Variants in IQCN observed in about 807,000 individuals in gnomAD.
IQCN encodes IQ domain-containing protein N.
In IQCN, 46 loss-of-function variants were observed where a neutral mutation model predicts 64.4. That is an observed-to-expected ratio of 0.71 (90% CI 0.56 to 0.91). IQCN has a LOEUF of 0.91. Among genes scored for constraint, IQCN ranks in the 40% least tolerant of loss-of-function variants. The probability of loss-of-function intolerance (pLI) is 0.00; values close to 1 mark genes in which losing one functional copy is unlikely to be tolerated. For missense variants in IQCN, 1,753 were observed against 1,857.4 expected (o/e 0.94, Z 1.03); for synonymous variants, 733 against 775.6 (o/e 0.95, Z 0.91).
chr19:18,257,397 T>A lies in IQCN; in HGVS notation c.3887A>T (p.Gln1296Leu), dbSNP rs746271106. ...AYQLAALSPRQPHRQDKAATA... is the reference protein window; with the variant it reads ...AYQLAALSPRLPHRQDKAATA... The stretch of plus-strand genomic sequence containing the variant: ...GGCCGCTTTGTCCTGGCGATGCGGC[T>A]GCCTGGGACTCAGGGCAGCCAGCTG... Residue 1296 changes from glutamine to leucine, a missense_variant, in exon 4 of 4, where the codon CAG becomes CTG. Coordinates refer to ENST00000392413, the MANE Select transcript of IQCN (RefSeq NM_001145304.2). 12 of 1,610,836 alleles carry A rather than the reference T, an allele frequency of 7.4e-6. No individual in the cohort carries two copies. Among genetic ancestry groups the A allele is most frequent in the Non-Finnish European group, 1.0e-5 (12 of 1,179,598 alleles).
Position 18,265,631 on chromosome 19 carries a change from C to A in IQCN, c.1909G>T (p.Val637Phe), listed in dbSNP as rs1450968192. 1 of 1,614,096 alleles carries A rather than the reference C, an allele frequency of 6.2e-7. No homozygotes were observed. Among genetic ancestry groups the A allele is most frequent in the African/African-American group, 1.3e-5 (1 of 75,040 alleles). ...EMAGAPSWTK[V>F]AEEGDKPPHV... Reference sequence around the variant, plus strand: ...GGTGGCTTGTCCCCTTCCTCAGCAACTTTTGTCCAGGATGGAGCCCCAGCC... The same window carrying A: ...GGTGGCTTGTCCCCTTCCTCAGCAAATTTTGTCCAGGATGGAGCCCCAGCC... The change falls in exon 3 of 4, where the codon GTT becomes TTT. Residue 637 changes from valine (V) to phenylalanine (F), a missense_variant. By Grantham distance (50) the Val-to-Phe change is conservative (BLOSUM62 -1). Transcript: ENST00000392413. The surrounding 1 kb of genome is among the most constrained non-coding windows in gnomAD (Gnocchi z 4.7).
At chr19:18,258,276 G>C in intron 3 of IQCN, 170 bp from the exon 4 acceptor site, 1 of 757,848 alleles carries the variant, frequency 1.3e-6, no homozygotes, top group Non-Finnish European at 2.3e-6. Context: ...GGCCAGCGGA[G>C]GAATGACCGA....
intron 2 of IQCN, chr19:18,268,053 C>T (rs996094637): frequency 6.6e-6 from 1 of 152,510 alleles, no homozygotes; most frequent in African/African-American, 2.4e-5. Flanking sequence ...CTGACTCAGC[C>T]TCCCAAAGTG....
At position 18,265,823 on chromosome 19, in the gene IQCN, AG is replaced by A. The variant is rs1382695897; in HGVS notation, c.1716del (p.Ser573ProfsTer79). 9.9e-6 allele frequency: 16 copies of A among 1,613,714 alleles called. No homozygotes were observed. Among genetic ancestry groups the A allele is most frequent in the Non-Finnish European group, 1.4e-5 (16 of 1,179,944 alleles). ...QAAKVVKASS[P>X]SYLAEGKIRC... ...CTGATCTTCCCCTCAGCCAAATAGG[AG>A]GGGGATGAGGCTTTCACCACCTTTG... On this transcript the variant is annotated frameshift_variant, in exon 3 of 4. Coordinates refer to ENST00000392413, the MANE Select transcript of IQCN (RefSeq NM_001145304.2). LOFTEE classifies it high-confidence loss of function. The surrounding 1 kb of genome is among the most constrained non-coding windows in gnomAD (Gnocchi z 4.7).
chr19:18,265,113 G>A lies in IQCN; in HGVS notation c.2427C>T (p.His809=), dbSNP rs202117212. The A allele has an allele frequency of 3.4e-5, 54 of 1,604,100 alleles. No homozygotes were observed. The Middle Eastern group carries it at 4.9e-4, about 15-fold the overall frequency. Residue 809 remains histidine, a synonymous_variant, in exon 3 of 4, where the codon CAC becomes CAT. Coordinates refer to ENST00000392413, the MANE Select transcript of IQCN (RefSeq NM_001145304.2). The surrounding 1 kb of genome is among the most constrained non-coding windows in gnomAD (Gnocchi z 4.7). ...PEDRQTQPQP[H]GHVPGKTTQG... is the part of the protein sequence containing the mutation. ...GAGTGGTCTTCCCCGGCACGTGTCC[G>A]TGGGGCTGTGGCTGGGTCTGTCTGT...
rs746966070 is a variant in IQCN at position 18,266,913 on chromosome 19, G to T, written c.627C>A (p.Pro209=). Residue 209 remains proline, a synonymous_variant, in exon 3 of 4, where the codon CCC becomes CCA. Coordinates refer to ENST00000392413, the MANE Select transcript of IQCN (RefSeq NM_001145304.2). The surrounding 1 kb of genome is among the most constrained non-coding windows in gnomAD (Gnocchi z 4.3). Reference sequence around the variant, plus strand: ...CCTGAGCTGCTGGGGGCTGCAGGAGGGGGGACGACTGGGGTCTGCAGAGGA... The same window carrying T: ...CCTGAGCTGCTGGGGGCTGCAGGAGTGGGGACGACTGGGGTCTGCAGAGGA... The part of the protein sequence containing the change: ...NLVLCRPQSS[P]LLQPPAAQGT... 15 of 1,607,436 alleles carry T rather than the reference G, an allele frequency of 9.3e-6. No individual in the cohort carries two copies. Among genetic ancestry groups the T allele is most frequent in the Non-Finnish European group, 1.3e-5 (15 of 1,175,596 alleles).
At chr19:18,267,620 C>G (rs1600133070) in intron 2 of IQCN, 94 bp from the exon 3 acceptor site, 2 of 1,428,004 alleles carry the variant, frequency 1.4e-6, no homozygotes, top group East Asian at 4.8e-5. Context: ...AGGCCCAGAT[C>G]TTGTTCCTGG....
At chr19:18,260,571 A>C in intron 3 of IQCN, 1 of 152,870 alleles carries the variant, frequency 6.5e-6, no homozygotes, top group Non-Finnish European at 1.5e-5. Context: ...AGATGGTGGG[A>C]ATAGGCTGGG....
At position 18,266,028 on chromosome 19, in the gene IQCN, G is replaced by A. The variant is rs1272124004; in HGVS notation, c.1512C>T (p.Thr504=). The A allele has an allele frequency of 6.2e-7, 1 of 1,614,158 alleles. No homozygotes were observed. The highest frequency in any genetic ancestry group is 1.3e-5 in the African/African-American group (1 of 75,036). Residue 504 remains threonine (T), a synonymous_variant, in exon 3 of 4, where the codon ACC becomes ACT. Transcript: ENST00000392413. The surrounding 1 kb of genome is among the most constrained non-coding windows in gnomAD (Gnocchi z 4.3). The part of the protein sequence containing the change: ...QTRLPAMITK[T]PAQLRSVATI... ...TGGCCACCGAGCGTAACTGGGCTGG[G>A]GTCTTGGTTATCATGGCTGGCAGGC... is the stretch of plus-strand genomic sequence containing the variant.
At chr19:18,268,952 ACT>A (rs1291937430) in intron 2 of IQCN, among the ~76,000 whole-genome samples, 2 of 131,338 alleles carry the variant, frequency 1.5e-5, no homozygotes, top group African/African-American at 3.1e-5. Flanking sequence ...ACAGAGCAAG[ACT>A]CTGTCTCAAA....
Position 18,264,912 on chromosome 19 carries a change from C to G in IQCN, c.2628G>C (p.Leu876=), listed in dbSNP as rs1365412470. Reference sequence around the variant, plus strand: ...CTACTTCAGCACACAAGGAGGCCAGCAGGGAGCCTACCGTGTCCTCCTGGC... The same window carrying G: ...CTACTTCAGCACACAAGGAGGCCAGGAGGGAGCCTACCGTGTCCTCCTGGC... ...VPCQEDTVGS[L]LASLCAEVAG... is the part of the protein sequence containing the mutation. Residue 876 remains leucine (L), a synonymous_variant, in exon 3 of 4, where the codon CTG becomes CTC. Transcript: ENST00000392413. This position sits in a 1 kb window ranked among gnomAD's most constrained non-coding sequence, Gnocchi z 4.3. The G allele has an allele frequency of 6.2e-7, 1 of 1,613,246 alleles. No individual in the cohort carries two copies. The highest frequency in any genetic ancestry group is 8.5e-7 in the Non-Finnish European group (1 of 1,179,990).
rs150171255 is a variant in IQCN, at chr19:18,271,235, C to A, written c.-109-1648G>T. Among the ~76,000 whole-genome samples, 382 of 148,512 alleles carry A rather than the reference C, an allele frequency of 2.6e-3. 2 individuals are homozygous for A. Among genetic ancestry groups the A allele is most frequent in the African/African-American group, 9.2e-3 (368 of 39,968 alleles). On this transcript the variant is annotated intron_variant, in intron 1 of 3. Coordinates refer to ENST00000392413, the MANE Select transcript of IQCN (RefSeq NM_001145304.2). ...CTGTAATCCCAGTGCTTTGGGAGGC[C>A]GAGGTGGGTGGCTCACGTGAGGTCA...
intron 1 of IQCN, among the ~76,000 whole-genome samples, chr19:18,271,844 C>A (rs1455567508): frequency 6.6e-6 from 1 of 152,082 alleles, no homozygotes; most frequent in Non-Finnish European, 1.5e-5. Flanking sequence ...CTCACTCTGT[C>A]CCCCAGGCTG....
In IQCN at chr19:18,265,758, C is replaced by T; in HGVS notation, c.1782G>A (p.Arg594=). The T allele has an allele frequency of 6.2e-7, 1 of 1,614,162 alleles. No homozygotes were observed. The highest frequency in any genetic ancestry group is 8.5e-7 in the Non-Finnish European group (1 of 1,180,032). The stretch of plus-strand genomic sequence containing the variant: ...CTTCCAAAGGAAGCTCAGCTGCAGC[C>T]CTGGGGACCCCAGTTCCCGGATGTG... ...AQPHPGTGVP[R]AAAELPLEAE... Residue 594 remains arginine (R), a synonymous_variant, in exon 3 of 4, where the codon AGG becomes AGA. Transcript: ENST00000392413. The surrounding 1 kb of genome is among the most constrained non-coding windows in gnomAD (Gnocchi z 4.7).
chr19:18,269,342 A>G (rs1325523952), intron 2 of IQCN, 124 bp downstream of exon 2: 1 of 901,418 alleles, frequency 1.1e-6, no homozygotes, highest in African/African-American at 1.7e-5. Context: ...TAGGATGCAG[A>G]GAGAGCTGGG....
chr19:18,271,469 A>C (rs77426130), intron 1 of IQCN, among the ~76,000 whole-genome samples: 1 of 77,706 alleles, frequency 1.3e-5, no homozygotes, highest in Non-Finnish European at 2.9e-5. Flanking sequence ...AACTCAGTTC[A>C]AAAAAAAAAA....
chr19:18,262,998 A>G (rs1417743366), intron 3 of IQCN, among the ~76,000 whole-genome samples: 1 of 152,162 alleles, frequency 6.6e-6, no homozygotes, highest in Non-Finnish European at 1.5e-5. Context: ...GTGAACACGC[A>G]AGGTCAAGCA....
chr19:18,273,486 G>A (rs546820487), intron 1 of IQCN, among the ~76,000 whole-genome samples: 66 of 152,218 alleles, frequency 4.3e-4, no homozygotes, highest in Non-Finnish European at 8.8e-4. Context: ...ACAGGCATGC[G>A]CCACCACACC....
At position 18,265,635 on chromosome 19, in the gene IQCN, T is replaced by C; in HGVS notation, c.1905A>G (p.Thr635=). The change falls in exon 3 of 4, where the codon ACA becomes ACG. Residue 635 remains threonine (T), a synonymous_variant. Coordinates refer to ENST00000392413, the MANE Select transcript of IQCN (RefSeq NM_001145304.2). The surrounding 1 kb of genome is among the most constrained non-coding windows in gnomAD (Gnocchi z 4.7). The stretch of plus-strand genomic sequence containing the variant: ...GCTTGTCCCCTTCCTCAGCAACTTT[T>C]GTCCAGGATGGAGCCCCAGCCATTT... ...AVEMAGAPSW[T]KVAEEGDKPP... The C allele has an allele frequency of 1.2e-6, 2 of 1,614,094 alleles. No individual in the cohort carries two copies. Among genetic ancestry groups the C allele is most frequent in the Middle Eastern group, 1.6e-4 (1 of 6,062 alleles).
Sources: gnomAD v4.1 joint callset for allele counts (sites outside exome capture counted in the v4.1 genomes callset) on GRCh38, gnomAD v4.1.1 for gene constraint, Gnocchi (gnomAD v3.1) non-coding constraint, MANE v1.5 for transcripts, NCBI Gene and HGNC (gene_info 2026-07-23, HGNC 2026-07-21) for gene names.